Variants in COL19A1 observed in about 807,000 individuals in gnomAD.
COL19A1 encodes the protein collagen alpha-1(XIX) chain.
Under a neutral mutation model 190.2 loss-of-function variants are expected in COL19A1, and 159 were observed. That is an observed-to-expected ratio of 0.84 (90% CI 0.73 to 0.95). The LOEUF (loss-of-function observed/expected upper bound fraction) is 0.95, where lower values mean the gene tolerates loss of function less well. Ranked by LOEUF, COL19A1 falls within the 40% of genes least tolerant of loss-of-function variation. The probability of loss-of-function intolerance (pLI) is 0.00; values close to 1 mark genes in which losing one functional copy is unlikely to be tolerated. For synonymous variants in COL19A1, 509 were observed against 458.9 expected (o/e 1.11, Z -1.39); for missense variants, 1,418 against 1,431.9 (o/e 0.99, Z 0.16).
At chr6:69,947,015 C>T (rs2150030893) in intron 9 of COL19A1, among the ~76,000 whole-genome samples, 1 of 151,920 alleles carries the variant, frequency 6.6e-6, no homozygotes, top group South Asian at 2.1e-4. Flanking sequence ...GTAATTGTGG[C>T]AGAGACTGTA....
At chr6:70,167,009 T>C (rs999983929) in intron 37 of COL19A1, among the ~76,000 whole-genome samples, 22 of 152,234 alleles carry the variant, frequency 1.4e-4, no homozygotes, top group Non-Finnish European at 3.2e-4. Context: ...GTTTAAATGT[T>C]TTCTTCCCTG....
Position 70,211,927 on chromosome 6 carries a change from G to A in COL19A1, c.*4653G>A, listed in dbSNP as rs917750333. On this transcript the variant is annotated 3_prime_UTR_variant, in exon 51 of 51. Transcript: ENST00000620364. ...AATCTAAATGGAAAAAAAATTGCGT[G>A]TTCAGATCCAATAGTGAGTGATGTG... Among the ~76,000 whole-genome samples, 3 of 152,118 alleles carry A rather than the reference G, an allele frequency of 2.0e-5. No individual in the cohort carries two copies. The highest frequency in any genetic ancestry group is 7.2e-5 in the African/African-American group (3 of 41,434).
rs1481119291 is a variant in COL19A1 at position 70,207,188 on chromosome 6, G to T, written c.3343G>T (p.Gly1115Cys). The change falls in exon 51 of 51, where the codon GGC becomes TGC. Residue 1115 changes from glycine (G) to cysteine (C), a missense_variant. Coordinates refer to ENST00000620364, the MANE Select transcript of COL19A1 (RefSeq NM_001858.6). ...CTCACCAGGTGCCCCAGGCCCACAGGGCCCCCCAGGACCCAGTGGAAGATG... is the reference window on the plus strand; with the variant it reads ...CTCACCAGGTGCCCCAGGCCCACAGTGCCCCCCAGGACCCAGTGGAAGATG... ...PGSPGAPGPQ[G>C]PPGPSGRCNP... is the part of the protein sequence containing the mutation. 3.5e-5 allele frequency: 57 copies of T among 1,613,320 alleles called. No homozygotes were observed. The highest frequency in any genetic ancestry group is 4.7e-5 in the Non-Finnish European group (56 of 1,179,524).
At chr6:70,122,789 C>CA (rs574522003) in intron 17 of COL19A1, among the ~76,000 whole-genome samples, 86 of 152,080 alleles carry the variant, frequency 5.7e-4, no homozygotes, top group Non-Finnish European at 9.9e-4. Flanking sequence ...AGAGAAGTGT[C>CA]AAAAAAATTT....
chr6:69,994,031 C>T (rs1000933696), intron 11 of COL19A1, among the ~76,000 whole-genome samples: 2 of 151,564 alleles, frequency 1.3e-5, no homozygotes, highest in African/African-American at 4.8e-5. Flanking sequence ...TCAAGTTCCT[C>T]TAGGTGTGAT....
chr6:70,117,922 C>A (rs779635046), intron 16 of COL19A1, among the ~76,000 whole-genome samples: 13 of 152,208 alleles, frequency 8.5e-5, no homozygotes, highest in Non-Finnish European at 1.9e-4. Context: ...CTCCTAAGAG[C>A]ATAAGCCAAG....
chr6:69,954,740 C>T (rs1774314398), intron 9 of COL19A1, among the ~76,000 whole-genome samples: 1 of 152,004 alleles, frequency 6.6e-6, no homozygotes, highest in Non-Finnish European at 1.5e-5. Context: ...TTGAAAATCT[C>T]CTAACTTTCT....
chr6:70,134,220 A>C (rs1785697229), intron 18 of COL19A1, among the ~76,000 whole-genome samples: 1 of 152,268 alleles, frequency 6.6e-6, no homozygotes, highest in East Asian at 1.9e-4. Flanking sequence ...TCTCTATCAA[A>C]CCAACAACAA....
At chr6:69,866,728 G>A in intron 1 of COL19A1, 88 bp downstream of exon 1, 1 of 152,210 alleles carries the variant, frequency 6.6e-6, no homozygotes, top group East Asian at 1.9e-4. Context: ...CTAGTTATCT[G>A]TGTGCATCTG....
chr6:70,185,210 C>T (rs553291339), intron 46 of COL19A1, among the ~76,000 whole-genome samples: 1 of 152,288 alleles, frequency 6.6e-6, no homozygotes, highest in South Asian at 2.1e-4. Flanking sequence ...ATAACCATCA[C>T]CCATGTTCTT....
intron 18 of COL19A1, among the ~76,000 whole-genome samples, chr6:70,136,021 T>C (rs1264482541): frequency 6.6e-6 from 1 of 152,226 alleles, no homozygotes; most frequent in African/African-American, 2.4e-5. Flanking sequence ...TAAAGGTAAC[T>C]TGACATTTTG....
intron 14 of COL19A1, among the ~76,000 whole-genome samples, chr6:70,050,215 T>G (rs1028838571): frequency 2.0e-5 from 3 of 152,074 alleles, no homozygotes; most frequent in Non-Finnish European, 2.9e-5. Context: ...TAAATACTAT[T>G]TAACTCTTAG....
chr6:69,968,489 T>A (rs962754940), intron 11 of COL19A1, among the ~76,000 whole-genome samples: 3 of 152,162 alleles, frequency 2.0e-5, no homozygotes, highest in African/African-American at 7.2e-5. Context: ...ATAATCAGAC[T>A]ATTTTTATAC....
intron 48 of COL19A1, among the ~76,000 whole-genome samples, chr6:70,192,300 T>A (rs1438202452): frequency 2.6e-5 from 4 of 152,176 alleles, no homozygotes; most frequent in African/African-American, 9.7e-5. Flanking sequence ...CGTGAATTTA[T>A]GCTGTTGATT....
chr6:70,180,627 C>A (rs962627436), intron 44 of COL19A1, 104 bp downstream of exon 44: 1 of 1,234,706 alleles, frequency 8.1e-7, no homozygotes, highest in Non-Finnish European at 1.2e-6. Context: ...AAGCAGTTTC[C>A]AAGGAGTAAG....
intron 2 of COL19A1, chr6:69,891,194 C>G (rs1769320801): frequency 6.8e-6 from 1 of 148,088 alleles, no homozygotes; most frequent in African/African-American, 2.6e-5. Flanking sequence ...AGGCCAAACA[C>G]CCAGCTAGCA....
intron 9 of COL19A1, among the ~76,000 whole-genome samples, chr6:69,938,894 A>G (rs770348945): frequency 6.6e-6 from 1 of 152,058 alleles, no homozygotes; most frequent in Non-Finnish European, 1.5e-5. Context: ...TTAGAAGTTG[A>G]TTCTGTTTTT....
chr6:69,940,074 G>GAA (rs371417700), intron 9 of COL19A1, among the ~76,000 whole-genome samples: 1,977 of 145,874 alleles, frequency 0.014, 54 homozygotes, highest in African/African-American at 0.046. Flanking sequence ...CCTGCCCACT[G>GAA]AAAAAAAAAA....
At position 70,188,203 on chromosome 6, in the gene COL19A1, C is replaced by A. The variant is rs1216770032; in HGVS notation, c.2985C>A (p.Gly995=). 1.9e-6 allele frequency: 3 copies of A among 1,612,714 alleles called. No homozygotes were observed. Among genetic ancestry groups the A allele is most frequent in the Admixed American group, 3.3e-5 (2 of 59,876 alleles). ...ACAAGGGCTCCATGGGATCCCCTGG[C>A]CACCAAGGCCCTCCAGGCTCTCCAG... ...PGNKGSMGSP[G]HQGPPGSPGI... Residue 995 remains glycine, a synonymous_variant, in exon 47 of 51, where the codon GGC becomes GGA. Coordinates refer to ENST00000620364, the MANE Select transcript of COL19A1 (RefSeq NM_001858.6).
Sources: gnomAD v4.1 joint callset for allele counts (sites outside exome capture counted in the v4.1 genomes callset) on GRCh38, gnomAD v4.1.1 for gene constraint, MANE v1.5 for transcripts, NCBI Gene and HGNC (gene_info 2026-07-23, HGNC 2026-07-21) for gene names.